Variants in TTLL11 observed in about 807,000 individuals in gnomAD.
The protein encoded by TTLL11 is tubulin tyrosine ligase like 11, also known as tubulin polyglutamylase TTLL11.
TTLL11 carries 42 observed loss-of-function variants against 51.7 expected under a neutral mutation model. That is an observed-to-expected ratio of 0.81 (90% confidence interval 0.64 to 1.05). TTLL11 has a LOEUF of 1.05. Ranked by LOEUF, TTLL11 falls within the 50% of genes least tolerant of loss-of-function variation. The probability of loss-of-function intolerance (pLI) is 0.00; values close to 1 mark genes in which losing one functional copy is unlikely to be tolerated. For missense variants in TTLL11, 799 were observed against 940.4 expected (o/e 0.85, Z 1.97); for synonymous variants, 381 against 383.5 (o/e 0.99, Z 0.08).
rs533438459 is a variant in TTLL11, at chr9:121,816,984, C to T, written c.*5603G>A. 48 of 152,260 alleles carry T rather than the reference C, an allele frequency of 3.2e-4. No individual in the cohort carries two copies. The highest frequency in any genetic ancestry group is 1.1e-3 in the African/African-American group (47 of 41,530). 9.4% of individuals were successfully genotyped at this position (152,260 alleles called of 1,614,324 possible). ...GAGGTGGATTTCAGGTTAATACACA[C>T]GGTGGTGAATGATCCCTCCGTGCGA... is the stretch of plus-strand genomic sequence containing the variant. On this transcript the variant is annotated 3_prime_UTR_variant, in exon 9 of 9. Coordinates refer to ENST00000321582, the MANE Select transcript of TTLL11 (RefSeq NM_001139442.2).
In TTLL11 at chr9:122,033,407, C is replaced by T. The variant is rs538356556; in HGVS notation, c.560-1551G>A. On this transcript the variant is annotated intron_variant, in intron 2 of 8. Coordinates refer to ENST00000321582, the MANE Select transcript of TTLL11 (RefSeq NM_001139442.2). ...GGATTACAGACGTGGCCACCGCACCCGGCTATCATGCTTGTTTCTTAAGAC... is the reference window on the plus strand; with the variant it reads ...GGATTACAGACGTGGCCACCGCACCTGGCTATCATGCTTGTTTCTTAAGAC... Among the ~76,000 whole-genome samples, 43 of 152,312 alleles carry T rather than the reference C, an allele frequency of 2.8e-4. 1 individual carries two copies. The highest frequency in any genetic ancestry group is 1.9e-4 in the East Asian group (1 of 5,186).
intron 1 of TTLL11, among the ~76,000 whole-genome samples, chr9:122,086,421 G>A (rs955415287): frequency 1.3e-5 from 2 of 152,170 alleles, no homozygotes; most frequent in Non-Finnish European, 2.9e-5. Context: ...GGCATATAGT[G>A]TTTTTAAATA....
At chr9:122,053,334 C>T (rs1312331025) in intron 1 of TTLL11, among the ~76,000 whole-genome samples, 2 of 152,058 alleles carry the variant, frequency 1.3e-5, no homozygotes, top group Admixed American at 6.6e-5. Flanking sequence ...AGTAGGCCTT[C>T]GCAAAGGAAG....
intron 6 of TTLL11, among the ~76,000 whole-genome samples, chr9:121,931,910 C>G (rs1840999147): frequency 6.6e-6 from 1 of 152,162 alleles, no homozygotes. Context: ...GATTTCTCTC[C>G]TCTCTCTGAA....
At chr9:121,952,596 C>T (rs1278332641) in intron 6 of TTLL11, among the ~76,000 whole-genome samples, 3 of 152,086 alleles carry the variant, frequency 2.0e-5, no homozygotes, top group Non-Finnish European at 4.4e-5. Context: ...GAGAGGAACA[C>T]CTTTGGCATA....
At chr9:122,088,537 CATGTTCTCATATGT>C (rs1846184563) in intron 1 of TTLL11, among the ~76,000 whole-genome samples, 1 of 152,182 alleles carries the variant, frequency 6.6e-6, no homozygotes, top group Admixed American at 6.5e-5. Context: ...TGTGTATTTC[CATGTTCTCATATGT>C]AGAACGGACA....
At position 121,861,964 on chromosome 9, in the gene TTLL11, G is replaced by C. The variant is rs142401166; in HGVS notation, c.1734-1521C>G. Reference sequence around the variant, plus strand: ...TTGCTGCTCTGTGTGGGCTGACACAGAATTGCTGGGGAGGTTCCTTGTTCC... The same window carrying C: ...TTGCTGCTCTGTGTGGGCTGACACACAATTGCTGGGGAGGTTCCTTGTTCC... On this transcript the variant is annotated intron_variant, in intron 7 of 8. Transcript: ENST00000321582. 4.2e-3 allele frequency among the ~76,000 whole-genome samples: 635 copies of C among 152,320 alleles called. 5 individuals are homozygous for C. Among genetic ancestry groups the C allele is most frequent in the African/African-American group, 0.013 (543 of 41,560 alleles).
chr9:121,950,114 T>C (rs1841805278), intron 6 of TTLL11, among the ~76,000 whole-genome samples: 1 of 152,164 alleles, frequency 6.6e-6, no homozygotes, highest in Non-Finnish European at 1.5e-5. Context: ...TCCTGTACCA[T>C]GTTGCGTCTG....
In TTLL11 at chr9:121,995,980, A is replaced by G. The variant is rs984910624; in HGVS notation, c.694-6210T>C. Among the ~76,000 whole-genome samples, 7 of 152,130 alleles carry G rather than the reference A, an allele frequency of 4.6e-5. No individual in the cohort carries two copies. Among genetic ancestry groups the G allele is most frequent in the Admixed American group, 4.6e-4 (7 of 15,296 alleles). ...CACTGTGCAGGCAAACATTTTCAGC[A>G]CTCCCTGGCTTTTGAAGAGTTCCAG... On this transcript the variant is annotated intron_variant, in intron 3 of 8. Transcript: ENST00000321582. The surrounding 1 kb of genome is among the most constrained non-coding windows in gnomAD (Gnocchi z 4.4).
At chr9:121,899,368 T>C (rs1464121722) in intron 6 of TTLL11, among the ~76,000 whole-genome samples, 2 of 86,724 alleles carry the variant, frequency 2.3e-5, no homozygotes, top group African/African-American at 7.7e-5. Context: ...TGTGTGTGTA[T>C]ATATATATAC....
chr9:121,875,631 A>G (rs1838536259), intron 6 of TTLL11, among the ~76,000 whole-genome samples: 1 of 152,250 alleles, frequency 6.6e-6, no homozygotes, highest in Non-Finnish European at 1.5e-5. Flanking sequence ...ACAATGAGAA[A>G]TGGTATCTTT....
chr9:121,975,627 G>C (rs1842687945), intron 4 of TTLL11, among the ~76,000 whole-genome samples: 1 of 152,274 alleles, frequency 6.6e-6, no homozygotes, highest in Non-Finnish European at 1.5e-5. Flanking sequence ...CAGGATAATT[G>C]CTTGAACCCA....
intron 6 of TTLL11, among the ~76,000 whole-genome samples, chr9:121,958,660 G>C (rs1332396864): frequency 6.6e-6 from 1 of 152,178 alleles, no homozygotes; most frequent in Non-Finnish European, 1.5e-5. Flanking sequence ...CGAACACATA[G>C]AGTCCTAAAG....
chr9:121,974,228 A>C (rs942487381), intron 5 of TTLL11, 104 bp from the exon 6 acceptor site: 3 of 666,972 alleles, frequency 4.5e-6, no homozygotes, highest in Admixed American at 3.5e-5. Context: ...TGCTTATGCT[A>C]ATCTATAGAA....
At chr9:121,894,690 T>A (rs773748328) in intron 6 of TTLL11, among the ~76,000 whole-genome samples, 2 of 151,516 alleles carry the variant, frequency 1.3e-5, no homozygotes, top group African/African-American at 4.9e-5. Context: ...TAAGTGGGAG[T>A]TGAAACAATG....
chr9:122,023,089 TAAAA>T (rs985690856), intron 3 of TTLL11, among the ~76,000 whole-genome samples: 1 of 151,142 alleles, frequency 6.6e-6, no homozygotes, highest in African/African-American at 2.4e-5. Context: ...AAAAGAAAAA[TAAAA>T]AACACAGATT....
At chr9:122,044,487 T>C (rs945579230) in intron 1 of TTLL11, among the ~76,000 whole-genome samples, 5 of 152,206 alleles carry the variant, frequency 3.3e-5, no homozygotes, top group African/African-American at 1.2e-4. Flanking sequence ...AGTATAAAAG[T>C]GTTCCTATTT....
At chr9:122,088,786 A>G (rs192827397) in intron 1 of TTLL11, among the ~76,000 whole-genome samples, 1 of 152,260 alleles carries the variant, frequency 6.6e-6, no homozygotes, top group East Asian at 1.9e-4. Context: ...CAGGCAGATC[A>G]CTTGAGGTCA....
chr9:121,989,044 G>T lies in TTLL11; in HGVS notation c.1269+151C>A. 6.7e-7 allele frequency: 1 copy of T among 1,496,300 alleles called. No individual in the cohort carries two copies. Among genetic ancestry groups the T allele is most frequent in the Non-Finnish European group, 8.9e-7 (1 of 1,122,984 alleles). 92.7% of individuals were successfully genotyped at this position (1,496,300 alleles called of 1,614,324 possible). Reference sequence around the variant, plus strand: ...GAGCAAACAGAAAGCTTGGAAGTTGGGCCCAGGTTTAACACCCAAGCCCAC... The same window carrying T: ...GAGCAAACAGAAAGCTTGGAAGTTGTGCCCAGGTTTAACACCCAAGCCCAC... On this transcript the variant is annotated intron_variant, in intron 4 of 8. Transcript: ENST00000321582. This position sits in a 1 kb window ranked among gnomAD's most constrained non-coding sequence, Gnocchi z 4.2.
Sources: gnomAD v4.1 joint callset for allele counts (sites outside exome capture counted in the v4.1 genomes callset) on GRCh38, gnomAD v4.1.1 for gene constraint, Gnocchi (gnomAD v3.1) non-coding constraint, MANE v1.5 for transcripts, NCBI Gene and HGNC (gene_info 2026-07-23, HGNC 2026-07-21) for gene names.